LRRC37A2: variants seen among roughly 807,000 people sequenced by gnomAD.
LRRC37A2 encodes the protein leucine rich repeat containing 37 member A2.
A neutral mutation model predicts 68.8 loss-of-function variants in LRRC37A2; 9 were observed. That is an observed-to-expected ratio of 0.13 (90% CI 0.08 to 0.23). The LOEUF is 0.23. LRRC37A2 is among the 10% of genes least tolerant of loss of function. LRRC37A2 has a pLI of 1.00. For missense variants in LRRC37A2, 168 were observed against 950.4 expected, an observed-to-expected ratio of 0.18 and a Z score of 10.82; for synonymous variants, 63 against 367.6, an observed-to-expected ratio of 0.17 and a Z score of 9.48.
the LRRC37A2 span, among the ~76,000 whole-genome samples, chr17:46,496,441 TAAA>T: frequency 6.8e-6 from 1 of 147,930 alleles, no homozygotes; most frequent in Non-Finnish European, 1.5e-5. Flanking sequence ...CCATCTCTAC[TAAA>T]AAGAGAAAAA....
the LRRC37A2 span, chr17:46,830,984 A>G: frequency 5.1e-6 from 2 of 388,720 alleles, no homozygotes; most frequent in East Asian, 7.4e-5. Context: ...TTAGAATGAA[A>G]CCTCATTGTT....
chr17:46,498,677 TA>T, the LRRC37A2 span, among the ~76,000 whole-genome samples: 13 of 143,062 alleles, frequency 9.1e-5, 1 homozygote, highest in African/African-American at 3.2e-4. Context: ...TGCTCTAAAA[TA>T]AAAGTAAAAG....
the LRRC37A2 span, among the ~76,000 whole-genome samples, chr17:46,888,121 A>G: frequency 6.6e-6 from 1 of 152,158 alleles, no homozygotes; most frequent in East Asian, 1.9e-4. Context: ...CACAAGCGGG[A>G]GTGTGCTTAT....
chr17:46,930,040 T>TG, the LRRC37A2 span: 1 of 153,654 alleles, frequency 6.5e-6, no homozygotes, highest in Non-Finnish European at 1.4e-5. Flanking sequence ...GTTTTTTGTT[T>TG]TTTTTCATTT....
At chr17:46,808,973 C>A in the LRRC37A2 span, among the ~76,000 whole-genome samples, 2 of 152,138 alleles carry the variant, frequency 1.3e-5, no homozygotes, top group African/African-American at 4.8e-5. Context: ...CAAGTGGGGT[C>A]CGAGCTGAGC....
At chr17:46,939,230 G>A in the LRRC37A2 span, 15 of 1,052,592 alleles carry the variant, frequency 1.4e-5, no homozygotes, top group Non-Finnish European at 1.7e-5. Context: ...TAAATAGTAG[G>A]TCGATTCACA....
chr17:46,983,040 C>T, the LRRC37A2 span, among the ~76,000 whole-genome samples: 2 of 152,130 alleles, frequency 1.3e-5, no homozygotes, highest in African/African-American at 4.8e-5. Context: ...AAAGTGGGAA[C>T]AAAATTAGGG....
chr17:46,478,380 G>GT, the LRRC37A2 span, among the ~76,000 whole-genome samples: 10 of 75,580 alleles, frequency 1.3e-4, 1 homozygote, highest in East Asian at 4.9e-4. Context: ...CTTTGGTTTT[G>GT]TTTTTTTTGC....
chr17:46,953,391 G>A, the LRRC37A2 span, among the ~76,000 whole-genome samples: 2 of 152,124 alleles, frequency 1.3e-5, no homozygotes, highest in African/African-American at 4.8e-5. Flanking sequence ...CATTTTTTAT[G>A]GCTGCATAGT....
At chr17:46,725,007 ACT>A in the LRRC37A2 span, among the ~76,000 whole-genome samples, 1 of 152,028 alleles carries the variant, frequency 6.6e-6, no homozygotes. Flanking sequence ...CTTCTTAATT[ACT>A]CTCTAATAAG....
At chr17:46,903,849 T>C in the LRRC37A2 span, among the ~76,000 whole-genome samples, 1 of 144,226 alleles carries the variant, frequency 6.9e-6, no homozygotes, top group Non-Finnish European at 1.5e-5. Flanking sequence ...GGATGATGGA[T>C]AGGTGGGTGG....
chr17:46,896,439 A>G, the LRRC37A2 span, among the ~76,000 whole-genome samples: 1 of 100,416 alleles, frequency 1.0e-5, no homozygotes, highest in Non-Finnish European at 1.7e-5. Flanking sequence ...AGAAAGAAAG[A>G]AAGAAAGAAA....
the LRRC37A2 span, chr17:46,755,257 G>A: frequency 3.4e-5 from 45 of 1,319,614 alleles, no homozygotes; most frequent in Non-Finnish European, 4.9e-5. Flanking sequence ...CATGAAGCAA[G>A]TGCAGAGTTG....
the LRRC37A2 span, among the ~76,000 whole-genome samples, chr17:46,775,644 C>G: frequency 7.2e-6 from 1 of 139,594 alleles, no homozygotes; most frequent in Non-Finnish European, 1.5e-5. Flanking sequence ...GACAGAGTCT[C>G]GCTGTGTCAC....
the LRRC37A2 span, chr17:46,773,960 A>G: frequency 1.3e-6 from 2 of 1,592,230 alleles, no homozygotes; most frequent in South Asian, 1.1e-5. Context: ...CACAGAGCCC[A>G]TCCTGGGCAC....
At chr17:47,049,078 C>A in the LRRC37A2 span, 1 of 694,450 alleles carries the variant, frequency 1.4e-6, no homozygotes, top group South Asian at 1.7e-5. Flanking sequence ...GTGTGTGTGT[C>A]TCCTCTCTGA....
chr17:46,853,619 C>A, the LRRC37A2 span, among the ~76,000 whole-genome samples: 1 of 152,110 alleles, frequency 6.6e-6, no homozygotes, highest in Non-Finnish European at 1.5e-5. Flanking sequence ...CTGCCCAACT[C>A]AGCCTCCCAA....
the LRRC37A2 span, among the ~76,000 whole-genome samples, chr17:46,655,904 T>A: frequency 2.1e-5 from 2 of 96,978 alleles, no homozygotes; most frequent in African/African-American, 4.9e-5. Context: ...TATCTAGAAA[T>A]GAATCTTTAA....
chr17:46,819,745 C>A, the LRRC37A2 span, among the ~76,000 whole-genome samples: 4 of 152,256 alleles, frequency 2.6e-5, no homozygotes, highest in Non-Finnish European at 5.9e-5. This position sits in a 1 kb window ranked among gnomAD's most constrained non-coding sequence, Gnocchi z 5.3. Context: ...AGTTACCCAC[C>A]CCTCCCCACA....
Sources: allele counts gnomAD v4.1 joint callset (sites outside exome capture counted in the v4.1 genomes callset), GRCh38; gene constraint gnomAD v4.1.1; non-coding constraint Gnocchi (gnomAD v3.1); transcripts MANE v1.5; gene names NCBI Gene and HGNC (gene_info 2026-07-23, HGNC 2026-07-21).